RAPGEF6: variants seen among roughly 807,000 people sequenced by gnomAD.
The protein encoded by RAPGEF6 is PDZ domain containing guanine nucleotide exchange factor (GEF) 2.
In RAPGEF6, 56 loss-of-function variants were observed where a neutral mutation model predicts 171.4. The ratio of observed to expected loss-of-function variants is 0.33; its 90% CI spans 0.26 to 0.41. The LOEUF (loss-of-function observed/expected upper bound fraction) is 0.41, where lower values mean the gene tolerates loss of function less well. Ranked by LOEUF, RAPGEF6 falls within the 10% of genes least tolerant of loss-of-function variation. The pLI, the probability that RAPGEF6 is intolerant of heterozygous loss-of-function variation, is 1.00. For synonymous variants in RAPGEF6, 692 were observed against 650.1 expected (o/e 1.06, Z -0.98); for missense variants, 1,674 against 1,921.4 (o/e 0.87, Z 2.41).
At chr5:131,519,259 T>C (rs1359457061) in intron 7 of RAPGEF6, among the ~76,000 whole-genome samples, 5 of 152,224 alleles carry the variant, frequency 3.3e-5, no homozygotes, top group Admixed American at 6.5e-5. Context: ...TTTGCAAAGA[T>C]GTAGGGACCA....
intron 1 of RAPGEF6, among the ~76,000 whole-genome samples, chr5:131,610,510 T>C (rs1764872774): frequency 6.6e-6 from 1 of 152,212 alleles, no homozygotes; most frequent in African/African-American, 2.4e-5. Flanking sequence ...GTTATTCCTT[T>C]ACCTCACTGT....
At chr5:131,577,862 C>T (rs889066424) in intron 4 of RAPGEF6, among the ~76,000 whole-genome samples, 2 of 152,184 alleles carry the variant, frequency 1.3e-5, no homozygotes, top group Non-Finnish European at 2.9e-5. Context: ...GAGCCTAATA[C>T]ATCCTTTCAT....
At chr5:131,517,035 G>A (rs571053076) in intron 7 of RAPGEF6, among the ~76,000 whole-genome samples, 41 of 152,214 alleles carry the variant, frequency 2.7e-4, no homozygotes, top group South Asian at 4.1e-4. Context: ...ACCAAATCCC[G>A]CATGTTCTTA....
chr5:131,611,416 T>C (rs1309290153), intron 1 of RAPGEF6, among the ~76,000 whole-genome samples: 1 of 152,244 alleles, frequency 6.6e-6, no homozygotes, highest in African/African-American at 2.4e-5. Context: ...ACACCTGTAA[T>C]CCCAATACTT....
chr5:131,430,290 T>G (rs1214027810), intron 26 of RAPGEF6, among the ~76,000 whole-genome samples: 3 of 152,120 alleles, frequency 2.0e-5, no homozygotes, highest in Non-Finnish European at 4.4e-5. Context: ...GGAAAGAAAT[T>G]TTTAAAAAGT....
chr5:131,609,686 T>C lies in RAPGEF6; in HGVS notation c.70-4993A>G, dbSNP rs1437654269. ...AGACCAACCGTATGAGTTCCTGATA[T>C]GATCCTATTATTCAAGAAGAGCAAC... On this transcript the variant is annotated intron_variant, in intron 1 of 27. Transcript: ENST00000509018. Among the ~76,000 whole-genome samples the C allele has an allele frequency of 2.6e-5, 4 of 152,220 alleles. No individual in the cohort carries two copies. In the South Asian group the frequency reaches 6.2e-4, roughly 24 times the overall value.
chr5:131,508,024 A>G lies in RAPGEF6; in HGVS notation c.942+47T>C, dbSNP rs760872321. The stretch of plus-strand genomic sequence containing the variant: ...AATTTATGGAAATTAAGTTATTTTA[A>G]AAGTTAGTATCCATAATAAATGTAT... On this transcript the variant is annotated intron_variant, in intron 9 of 27. Coordinates refer to ENST00000509018, the MANE Select transcript of RAPGEF6 (RefSeq NM_016340.6). 4.0e-5 allele frequency: 56 copies of G among 1,400,362 alleles called. 1 individual carries two copies. In the Middle Eastern group the frequency reaches 7.8e-3, roughly 195 times the overall value. The allele number at this position is 1,400,362 out of a possible 1,614,324, so 86.7% of individuals were successfully genotyped here.
At chr5:131,432,962 AT>A (rs948630887) in intron 25 of RAPGEF6, among the ~76,000 whole-genome samples, 262 of 148,426 alleles carry the variant, frequency 1.8e-3, no homozygotes, top group African/African-American at 2.8e-3. Flanking sequence ...TTTAGAGTTG[AT>A]TTTTTTTTTT....
intron 11 of RAPGEF6, among the ~76,000 whole-genome samples, chr5:131,503,001 C>T (rs1757123827): frequency 6.6e-6 from 1 of 152,126 alleles, no homozygotes; most frequent in South Asian, 2.1e-4. Context: ...TAGGGTTTCA[C>T]CATGTTGGCC....
intron 4 of RAPGEF6, among the ~76,000 whole-genome samples, chr5:131,588,868 T>G (rs567326931): frequency 6.7e-6 from 1 of 148,916 alleles, no homozygotes; most frequent in Admixed American, 6.7e-5. Context: ...AGGTCAAGAG[T>G]TTGAGACCAG....
At chr5:131,531,347 A>G (rs1043583119) in intron 6 of RAPGEF6, among the ~76,000 whole-genome samples, 3 of 152,248 alleles carry the variant, frequency 2.0e-5, no homozygotes, top group East Asian at 1.9e-4. Flanking sequence ...GACAGGAAAG[A>G]TAACTTGAGT....
intron 16 of RAPGEF6, among the ~76,000 whole-genome samples, chr5:131,477,299 A>G (rs1303632259): frequency 3.3e-5 from 5 of 152,210 alleles, no homozygotes; most frequent in Admixed American, 2.0e-4. Context: ...TGGCTGAAAT[A>G]ATTAGCATTT....
intron 7 of RAPGEF6, among the ~76,000 whole-genome samples, chr5:131,517,867 G>A (rs993172792): frequency 6.7e-6 from 1 of 150,242 alleles, no homozygotes; most frequent in Non-Finnish European, 1.5e-5. Context: ...TAAAATTATA[G>A]AAATCTTGTA....
In RAPGEF6 at chr5:131,518,176, A is replaced by G. The variant is rs561535451; in HGVS notation, c.627+3214T>C. On this transcript the variant is annotated intron_variant, in intron 7 of 27. Transcript: ENST00000509018. ...GGTATATATATTTATTTAACGAAAT[A>G]TAAATAAAATGTTAAAAATACCTAC... Among the ~76,000 whole-genome samples, 6 of 152,066 alleles carry G rather than the reference A, an allele frequency of 3.9e-5. No homozygotes were observed. In the South Asian group the frequency reaches 1.2e-3, roughly 32 times the overall value.
At chr5:131,432,998 T>C (rs1427243656) in intron 25 of RAPGEF6, among the ~76,000 whole-genome samples, 1 of 152,136 alleles carries the variant, frequency 6.6e-6, no homozygotes. Context: ...AGGTGATTAT[T>C]CTTACTCCCC....
chr5:131,497,287 A>G (rs935171430), intron 12 of RAPGEF6, among the ~76,000 whole-genome samples: 11 of 152,216 alleles, frequency 7.2e-5, no homozygotes, highest in African/African-American at 2.4e-5. Context: ...TATCAGATAT[A>G]TAATTTTCTC....
chr5:131,461,797 C>G lies in RAPGEF6; in HGVS notation c.2772G>C (p.Gln924His). ...GCTTAATAATCTTCATTCGTTTGAGCTGATTTGCTTCAGTTAAAATTTCTG... is the reference window on the plus strand; with the variant it reads ...GCTTAATAATCTTCATTCGTTTGAGGTGATTTGCTTCAGTTAAAATTTCTG... The part of the protein sequence containing the change: ...VASEILTEAN[Q>H]LKRMKIIKHF... Residue 924 changes from glutamine (Q) to histidine (H), a missense_variant, in exon 19 of 28, where the codon CAG (glutamine) becomes CAC (histidine). This residue lies in a region of RAPGEF6 where 1,116 missense variants were observed against 1,321.5 expected (regional missense o/e 0.84). Coordinates refer to ENST00000509018, the MANE Select transcript of RAPGEF6 (RefSeq NM_016340.6). 6.2e-7 allele frequency: 1 copy of G among 1,613,702 alleles called. No homozygotes were observed. The highest frequency in any genetic ancestry group is 1.1e-5 in the South Asian group (1 of 91,070).
intron 22 of RAPGEF6, among the ~76,000 whole-genome samples, chr5:131,444,822 C>CT (rs1752586889): frequency 6.6e-6 from 1 of 152,090 alleles, no homozygotes; most frequent in South Asian, 2.1e-4. Context: ...GAAAAAATAA[C>CT]TTTGATGATG....
At chr5:131,489,705 C>A in intron 14 of RAPGEF6, 51 bp from the exon 15 acceptor site, 2 of 988,984 alleles carry the variant, frequency 2.0e-6, no homozygotes, top group South Asian at 3.3e-5. Flanking sequence ...ATTAGTTACT[C>A]CTACAACCTT....
Sources: allele counts gnomAD v4.1 joint callset (sites outside exome capture counted in the v4.1 genomes callset), GRCh38; gene constraint gnomAD v4.1.1; regional missense constraint gnomAD v4.1.1; transcripts MANE v1.5; gene names NCBI Gene and HGNC (gene_info 2026-07-23, HGNC 2026-07-21).